The following HACE1 variants were observed in gnomAD, a reference collection of about 807,000 sequenced individuals.
HACE1 encodes the protein E3 ubiquitin-protein ligase HACE1.
Under a neutral mutation model 118.4 loss-of-function variants are expected in HACE1, and 73 were observed. That is an observed-to-expected ratio of 0.62 (90% CI 0.51 to 0.75). The LOEUF (loss-of-function observed/expected upper bound fraction) is 0.75, where lower values mean the gene tolerates loss of function less well. Ranked by LOEUF, HACE1 falls within the 30% of genes least tolerant of loss-of-function variation. HACE1 has a pLI of 0.00. For missense variants in HACE1, 749 were observed against 1,102.2 expected (o/e 0.68, Z 4.54); for synonymous variants, 368 against 374.8 (o/e 0.98, Z 0.21).
rs769290703 is a variant in HACE1, at chr6:104,814,288, T to G, written c.535-2895A>C. ...CGAGGCATGTCAAAGTGAAATTTCA[T>G]GATAACATCAGGGATAAGAGATTCC... On this transcript the variant is annotated intron_variant, in intron 6 of 23. Transcript: ENST00000262903. Among the ~76,000 whole-genome samples, 13 of 137,534 alleles carry G rather than the reference T, an allele frequency of 9.5e-5. 3 individuals are homozygous for G. The highest frequency in any genetic ancestry group is 4.3e-4 in the Admixed American group (6 of 13,908). The allele number at this position is 137,534 out of a possible 152,430, so 90.2% of individuals were successfully genotyped here.
At chr6:104,738,636 T>C (rs1228645639) in intron 22 of HACE1, among the ~76,000 whole-genome samples, 16 of 148,784 alleles carry the variant, frequency 1.1e-4, no homozygotes, top group African/African-American at 4.1e-4. Context: ...TAAAAAGAAA[T>C]GAGCAAAGCC....
chr6:104,753,660 G>C (rs944455615), intron 19 of HACE1, among the ~76,000 whole-genome samples: 1 of 152,130 alleles, frequency 6.6e-6, no homozygotes, highest in Non-Finnish European at 1.5e-5. Context: ...CCTATATACA[G>C]TAAAGTGGCC....
At chr6:104,798,712 T>A in intron 7 of HACE1, among the ~76,000 whole-genome samples, 1 of 152,204 alleles carries the variant, frequency 6.6e-6, no homozygotes, top group East Asian at 1.9e-4. Context: ...TAATGTTTCA[T>A]TTACACTGTT....
chr6:104,778,935 G>A (rs944484718), intron 14 of HACE1, among the ~76,000 whole-genome samples: 1 of 152,168 alleles, frequency 6.6e-6, no homozygotes, highest in Admixed American at 6.5e-5. Context: ...GGAAATATGA[G>A]TAAGATTTTA....
At chr6:104,766,032 G>A (rs560100709) in intron 19 of HACE1, among the ~76,000 whole-genome samples, 41 of 152,264 alleles carry the variant, frequency 2.7e-4, no homozygotes, top group Middle Eastern at 3.4e-3. Context: ...GTTACCCACA[G>A]GGGTATCTGC....
intron 19 of HACE1, among the ~76,000 whole-genome samples, chr6:104,763,832 T>C (rs1013196185): frequency 2.0e-5 from 3 of 152,024 alleles, no homozygotes; most frequent in African/African-American, 7.2e-5. Context: ...GGCAGATCAC[T>C]TGGGGTCAGG....
rs567407117 is a variant in HACE1, at chr6:104,823,337, C to T, written c.534+9705G>A. Among the ~76,000 whole-genome samples the T allele has an allele frequency of 3.6e-4, 54 of 151,432 alleles. No homozygotes were observed. The East Asian group carries it at 4.1e-3, about 12-fold the overall frequency. ...TAATCCCAGCTACTTCGGAGGCTGA[C>T]GCAGGAGAATCGCTTGAACCTGGGA... is the stretch of plus-strand genomic sequence containing the variant. On this transcript the variant is annotated intron_variant, in intron 6 of 23. Coordinates refer to ENST00000262903, the MANE Select transcript of HACE1 (RefSeq NM_020771.4).
At chr6:104,739,283 A>G (rs570514478) in intron 22 of HACE1, among the ~76,000 whole-genome samples, 6 of 152,300 alleles carry the variant, frequency 3.9e-5, no homozygotes, top group African/African-American at 1.2e-4. Context: ...ACCAGCTAAC[A>G]TCATACTGAC....
At chr6:104,855,577 CTCTTA>C (rs1340369580) in intron 1 of HACE1, among the ~76,000 whole-genome samples, 5 of 151,896 alleles carry the variant, frequency 3.3e-5, no homozygotes, top group Non-Finnish European at 4.4e-5. Flanking sequence ...CTGTTTTATC[CTCTTA>C]TATTTCTTTT....
chr6:104,854,102 A>G (rs971198621), intron 1 of HACE1, among the ~76,000 whole-genome samples: 1 of 152,214 alleles, frequency 6.6e-6, no homozygotes, highest in African/African-American at 2.4e-5. Context: ...GTTCTTGCCA[A>G]AAATGCATAA....
In HACE1 at chr6:104,785,118, A is replaced by G. The variant is rs758617427; in HGVS notation, c.1276T>C (p.Ser426Pro). 1 of 1,614,052 alleles carries G rather than the reference A, an allele frequency of 6.2e-7. No individual in the cohort carries two copies. The highest frequency in any genetic ancestry group is 8.5e-7 in the Non-Finnish European group (1 of 1,179,956). The change falls in exon 12 of 24, where the codon TCT (serine) becomes CCT (proline). Residue 426 changes from serine to proline, a missense_variant. By Grantham distance (74) the Ser-to-Pro change is moderately conservative. Around this residue, in one of 5 missense-constraint regions of HACE1, gnomAD observed 267 missense variants for 312.2 expected, o/e 0.86. Transcript: ENST00000262903. ...CTCCCTGCAAGAGCATCTGGTTTAG[A>G]TTCCCTTGTGCCAGTGGACAGATTT... ...YENLSTGTRE[S>P]KPDALAGRQE...
At chr6:104,838,930 A>T (rs1774820435) in intron 5 of HACE1, among the ~76,000 whole-genome samples, 1 of 151,752 alleles carries the variant, frequency 6.6e-6, no homozygotes, top group Admixed American at 6.6e-5. Context: ...TGATTAAAAA[A>T]AGAATGAAAG....
At chr6:104,734,099 G>A (rs1775524876) in intron 22 of HACE1, among the ~76,000 whole-genome samples, 1 of 138,938 alleles carries the variant, frequency 7.2e-6, no homozygotes, top group African/African-American at 2.8e-5. Context: ...GTTGCAGTGA[G>A]CCGAGTGAGA....
chr6:104,824,095 C>G (rs1431313757), intron 6 of HACE1, among the ~76,000 whole-genome samples: 2 of 152,182 alleles, frequency 1.3e-5, no homozygotes, highest in African/African-American at 4.8e-5. Flanking sequence ...TCCAACCCAT[C>G]CCATTACTAG....
chr6:104,774,564 C>G (rs1781023295), intron 17 of HACE1, among the ~76,000 whole-genome samples: 1 of 151,476 alleles, frequency 6.6e-6, no homozygotes, highest in African/African-American at 2.4e-5. Context: ...TTTGTATTTT[C>G]AGTTAGAGAT....
chr6:104,772,712 A>C (rs1158676703), intron 17 of HACE1, among the ~76,000 whole-genome samples: 1 of 152,214 alleles, frequency 6.6e-6, no homozygotes, highest in Non-Finnish European at 1.5e-5. Flanking sequence ...CTGAGGTGAA[A>C]GTAAAAATGG....
chr6:104,843,436 C>A (rs1775307087), intron 4 of HACE1, 138 bp from the exon 5 acceptor site: 1 of 683,092 alleles, frequency 1.5e-6, no homozygotes, highest in Admixed American at 2.1e-5. Context: ...CAAGCCATAT[C>A]TGCAATATTT....
chr6:104,858,827 C>T (rs1777007011), intron 1 of HACE1, among the ~76,000 whole-genome samples: 1 of 152,174 alleles, frequency 6.6e-6, no homozygotes, highest in African/African-American at 2.4e-5. Context: ...AACAAAACTG[C>T]TTATTTTCTC....
chr6:104,795,055 G>A (rs1430526974), intron 10 of HACE1, among the ~76,000 whole-genome samples: 1 of 151,982 alleles, frequency 6.6e-6, no homozygotes, highest in Admixed American at 6.6e-5. Flanking sequence ...TGTAGCTACA[G>A]GAAAACACTT....
Sources: allele counts gnomAD v4.1 joint callset (sites outside exome capture counted in the v4.1 genomes callset), GRCh38; gene constraint gnomAD v4.1.1; regional missense constraint gnomAD v4.1.1; transcripts MANE v1.5; gene names NCBI Gene and HGNC (gene_info 2026-07-23, HGNC 2026-07-21).